PDXDC1: variants seen among roughly 807,000 people sequenced by gnomAD.
PDXDC1 encodes the protein pyridoxal-dependent decarboxylase domain-containing protein 1.
PDXDC1 carries 42 observed loss-of-function variants against 100.1 expected under a neutral mutation model. The ratio of observed to expected loss-of-function variants is 0.42; its 90% CI spans 0.33 to 0.54. PDXDC1 has a LOEUF of 0.54. Ranked by LOEUF, PDXDC1 falls within the 20% of genes least tolerant of loss-of-function variation. The probability of loss-of-function intolerance (pLI) is 0.10; values close to 1 mark genes in which losing one functional copy is unlikely to be tolerated. For missense variants in PDXDC1, 636 were observed against 979.2 expected (o/e 0.65, Z 4.68); for synonymous variants, 260 against 371.7 (o/e 0.70, Z 3.46).
downstream of PDXDC1, among the ~76,000 whole-genome samples, chr16:15,142,479 C>T (rs944175882): frequency 6.6e-6 from 1 of 151,954 alleles, no homozygotes; most frequent in Non-Finnish European, 1.5e-5. Flanking sequence ...GAAGCTGGGG[C>T]CCAGACAGGA....
intron 16 of PDXDC1, chr16:15,123,328 G>C: frequency 8.0e-7 from 1 of 1,243,856 alleles, no homozygotes; most frequent in South Asian, 1.3e-5. Context: ...CCCTGTCCCT[G>C]CTTCTGGGCG....
At position 15,085,578 on chromosome 16, in the gene PDXDC1, A is replaced by G. The variant is rs1185283677; in HGVS notation, c.1400-53301A>G. The G allele has an allele frequency of 4.4e-6, 7 of 1,589,238 alleles. No homozygotes were observed. The Admixed American group carries it at 1.1e-4, about 24-fold the overall frequency. On this transcript the variant is annotated intron_variant, in intron 16 of 16. Transcript: ENST00000535621. ...AGTGATCCTCCCGTCTTGGCTTCCCAAAGTGCTGGGATTATGGGTGAAAGC... is the reference window on the plus strand; with the variant it reads ...AGTGATCCTCCCGTCTTGGCTTCCCGAAGTGCTGGGATTATGGGTGAAAGC...
intron 1 of PDXDC1, among the ~76,000 whole-genome samples, chr16:14,995,665 TAGGG>T (rs1308872789): frequency 6.6e-6 from 1 of 152,294 alleles, no homozygotes; most frequent in Non-Finnish European, 1.5e-5. Context: ...TAAAATGAGT[TAGGG>T]AGGATTTCCT....
chr16:15,073,569 G>A (rs990753499), intron 16 of PDXDC1, among the ~76,000 whole-genome samples: 23 of 152,178 alleles, frequency 1.5e-4, no homozygotes, highest in Non-Finnish European at 5.9e-5. Context: ...CTGCAAGGAA[G>A]CAGGCCCTCA....
At chr16:15,009,817 T>C (rs2041107307) in intron 8 of PDXDC1, 58 bp downstream of exon 8, 1 of 1,612,592 alleles carries the variant, frequency 6.2e-7, no homozygotes, top group African/African-American at 1.3e-5. Context: ...GGCTACGTCC[T>C]CAGCCTATAA....
chr16:15,034,069 C>T (rs761480264), intron 19 of PDXDC1: 35 of 588,554 alleles, frequency 5.9e-5, no homozygotes, highest in Non-Finnish European at 8.2e-5. Flanking sequence ...TTCAAGAATA[C>T]GTAGCAAATG....
intron 1 of PDXDC1, among the ~76,000 whole-genome samples, chr16:14,985,402 C>T (rs1303760609): frequency 6.6e-6 from 1 of 152,076 alleles, no homozygotes; most frequent in Non-Finnish European, 1.5e-5. Flanking sequence ...ATTCTCCTGC[C>T]TCAGCCTCCC....
Position 15,125,809 on chromosome 16 carries a change from T to C in PDXDC1, c.1400-13070T>C, listed in dbSNP as rs759742527. 29 of 1,222,164 alleles carry C rather than the reference T, an allele frequency of 2.4e-5. No individual in the cohort carries two copies. The South Asian group carries it at 3.3e-4, about 14-fold the overall frequency. The allele number at this position is 1,222,164 out of a possible 1,614,324, so 75.7% of individuals were successfully genotyped here. On this transcript the variant is annotated intron_variant, in intron 16 of 16. Coordinates refer to the PDXDC1 transcript ENST00000535621. Reference sequence around the variant, plus strand: ...TGTGGGGCTCGGGCTCCCAGCCACCTGCAGGACGACAGCAGTGGTCAGCGG... The same window carrying C: ...TGTGGGGCTCGGGCTCCCAGCCACCCGCAGGACGACAGCAGTGGTCAGCGG...
Position 15,008,985 on chromosome 16 carries a change from A to G in PDXDC1, c.648+138A>G, listed in dbSNP as rs1363310953. 62 of 892,480 alleles carry G rather than the reference A, an allele frequency of 6.9e-5. No homozygotes were observed. The Admixed American group carries it at 1.4e-3, about 19-fold the overall frequency. 55.3% of individuals were successfully genotyped at this position (892,480 alleles called of 1,614,324 possible). A position where few individuals can be genotyped will look rare whatever the true frequency, so the allele number is the denominator to read the frequency against. ...CTTGGATCCTTACATTGTGTAATAT[A>G]TGCTTCTGTTAATATGTGAATGTCC... On this transcript the variant is annotated intron_variant, in intron 7 of 22. Coordinates refer to ENST00000396410, the MANE Select transcript of PDXDC1 (RefSeq NM_015027.4).
chr16:15,096,807 C>G (rs1351601000), intron 16 of PDXDC1, among the ~76,000 whole-genome samples: 2 of 152,220 alleles, frequency 1.3e-5, no homozygotes, highest in African/African-American at 2.4e-5. Flanking sequence ...CCTCAGCCGC[C>G]CGAACCCACA....
chr16:15,091,288 C>G (rs1212984933), intron 16 of PDXDC1: 1 of 1,603,556 alleles, frequency 6.2e-7, no homozygotes, highest in East Asian at 2.2e-5. Context: ...AATAATTTTG[C>G]TAATGATCAA....
At chr16:14,988,266 C>T (rs1969879723) in intron 1 of PDXDC1, 1 of 1,613,702 alleles carries the variant, frequency 6.2e-7, no homozygotes, top group Admixed American at 1.7e-5. Flanking sequence ...CACTCAGACA[C>T]TGGGATCTTC....
intron 16 of PDXDC1, chr16:15,119,293 A>T: frequency 2.7e-6 from 1 of 368,400 alleles, no homozygotes; most frequent in Non-Finnish European, 5.0e-6. Context: ...CTTGGTATAA[A>T]GCAGGGATAT....
At chr16:15,014,863 C>T (rs1229327089) in intron 8 of PDXDC1, among the ~76,000 whole-genome samples, 1 of 152,294 alleles carries the variant, frequency 6.6e-6, no homozygotes, top group Non-Finnish European at 1.5e-5. Flanking sequence ...GCTTAATATG[C>T]TTAAGCTGGC....
At chr16:15,034,696 C>G (rs888996292) in intron 21 of PDXDC1, 143 bp downstream of exon 21, 16 of 688,772 alleles carry the variant, frequency 2.3e-5, no homozygotes, top group African/African-American at 1.8e-4. Flanking sequence ...TCTGAGGAGA[C>G]AAGTTCTGGT....
intron 16 of PDXDC1, among the ~76,000 whole-genome samples, chr16:15,089,670 G>A (rs1212395231): frequency 6.6e-6 from 1 of 151,380 alleles, no homozygotes; most frequent in Non-Finnish European, 1.5e-5. Context: ...GGTGGTGGCG[G>A]GCGAGTGTAG....
chr16:15,150,105 G>A, the PDXDC1 span, among the ~76,000 whole-genome samples: 1,244 of 152,176 alleles, frequency 8.2e-3, 27 homozygotes, highest in African/African-American at 0.028. Flanking sequence ...AGCACTTTGG[G>A]AGGCTGAGGC....
chr16:15,014,027 C>T (rs1159486289), intron 8 of PDXDC1, among the ~76,000 whole-genome samples: 4 of 152,152 alleles, frequency 2.6e-5, no homozygotes, highest in Admixed American at 6.5e-5. Context: ...GCCAAAATGG[C>T]GAAACCCTGT....
At chr16:15,145,571 G>C in the PDXDC1 span, among the ~76,000 whole-genome samples, 1 of 152,266 alleles carries the variant, frequency 6.6e-6, no homozygotes, top group Non-Finnish European at 1.5e-5. Flanking sequence ...GGCTGGGCCA[G>C]GGCTGGGCCT....
Sources: gnomAD v4.1 joint callset for allele counts (sites outside exome capture counted in the v4.1 genomes callset) on GRCh38, gnomAD v4.1.1 for gene constraint, MANE v1.5 for transcripts, NCBI Gene and HGNC (gene_info 2026-07-23, HGNC 2026-07-21) for gene names.